The following CDC42SE2 variants were observed in gnomAD, a reference collection of about 807,000 sequenced individuals.
CDC42SE2 encodes the protein CDC42 small effector 2.
Under a neutral mutation model 11.5 loss-of-function variants are expected in CDC42SE2, and 3 were observed. The ratio of observed to expected loss-of-function variants is 0.26; its 90% CI spans 0.12 to 0.67. CDC42SE2 has a LOEUF of 0.67. CDC42SE2 is among the 30% of genes least tolerant of loss of function. The pLI is 0.80. For missense variants in CDC42SE2, 82 were observed against 106.8 expected, an observed-to-expected ratio of 0.77 and a Z score of 1.02; for synonymous variants, 33 against 34.8, an observed-to-expected ratio of 0.95 and a Z score of 0.18.
chr5:131,311,581 A>G (rs530052742), intron 1 of CDC42SE2, among the ~76,000 whole-genome samples: 205 of 152,296 alleles, frequency 1.3e-3, no homozygotes, highest in Non-Finnish European at 2.3e-3. Flanking sequence ...CAGGTATACC[A>G]ATCAGACGTA....
intron 1 of CDC42SE2, among the ~76,000 whole-genome samples, chr5:131,299,667 A>G (rs1353511994): frequency 6.6e-6 from 1 of 152,158 alleles, no homozygotes; most frequent in Non-Finnish European, 1.5e-5. Context: ...TTAAAAGACA[A>G]CTAGGCTGGA....
chr5:131,223,280 C>T, the CDC42SE2 span, among the ~76,000 whole-genome samples: 1 of 152,262 alleles, frequency 6.6e-6, no homozygotes, highest in African/African-American at 2.4e-5. Flanking sequence ...ATCTGGCTTT[C>T]CCCTAAAAAT....
intron 1 of CDC42SE2, among the ~76,000 whole-genome samples, chr5:131,313,140 G>A (rs899673621): frequency 5.3e-5 from 8 of 151,798 alleles, no homozygotes; most frequent in Non-Finnish European, 1.2e-4. Flanking sequence ...CTGCCACGAC[G>A]CCCGGCTGAT....
At chr5:131,304,822 A>G (rs1344176330) in intron 1 of CDC42SE2, among the ~76,000 whole-genome samples, 1 of 152,212 alleles carries the variant, frequency 6.6e-6, no homozygotes, top group African/African-American at 2.4e-5. Flanking sequence ...AATTTAATGC[A>G]TTAAAAGGAT....
intron 3 of CDC42SE2, among the ~76,000 whole-genome samples, chr5:131,369,592 C>T (rs1206313971): frequency 2.0e-5 from 3 of 152,114 alleles, no homozygotes; most frequent in African/African-American, 7.2e-5. Flanking sequence ...TTTCAGACTT[C>T]AAAATTTTTA....
chr5:131,268,405 T>G (rs954397960), intron 1 of CDC42SE2, among the ~76,000 whole-genome samples: 28 of 151,568 alleles, frequency 1.8e-4, no homozygotes, highest in African/African-American at 6.8e-4. Flanking sequence ...GTGAGGGCAT[T>G]TTTTTCTTAT....
In CDC42SE2 at chr5:131,391,071, G is replaced by T. The variant is rs369480644; in HGVS notation, c.235G>T (p.Val79Leu). ...GMPANVQMQL[V>L]DTKAG is the part of the protein sequence containing the mutation. ...GCCTGCCAATGTCCAGATGCAGCTCGTGGATACGAAGGCGGGATAGCCCTG... is the reference window on the plus strand; with the variant it reads ...GCCTGCCAATGTCCAGATGCAGCTCTTGGATACGAAGGCGGGATAGCCCTG... The change falls in exon 5 of 5, where the codon GTG becomes TTG. Residue 79 changes from valine to leucine, a missense_variant. Transcript: ENST00000505065. 1 of 1,612,580 alleles carries T rather than the reference G, an allele frequency of 6.2e-7. No individual in the cohort carries two copies. Among genetic ancestry groups the T allele is most frequent in the African/African-American group, 1.3e-5 (1 of 74,988 alleles).
chr5:131,354,979 A>G (rs1233312958), intron 2 of CDC42SE2, among the ~76,000 whole-genome samples: 4 of 152,148 alleles, frequency 2.6e-5, no homozygotes, highest in African/African-American at 9.7e-5. Context: ...CACTGTGCCC[A>G]GCCAGAATTT....
chr5:131,296,741 G>C (rs1042444397), intron 1 of CDC42SE2, among the ~76,000 whole-genome samples: 6 of 152,128 alleles, frequency 3.9e-5, no homozygotes, highest in Admixed American at 1.3e-4. Flanking sequence ...ATCTTTTTGG[G>C]AGAGGAGTGG....
At chr5:131,373,442 G>A (rs180775188) in intron 3 of CDC42SE2, among the ~76,000 whole-genome samples, 13 of 152,230 alleles carry the variant, frequency 8.5e-5, no homozygotes, top group African/African-American at 2.9e-4. Context: ...AGCTAGATTC[G>A]AACTCTTCTG....
intron 1 of CDC42SE2, among the ~76,000 whole-genome samples, chr5:131,273,060 A>C (rs971310687): frequency 6.6e-6 from 1 of 151,926 alleles, no homozygotes; most frequent in Non-Finnish European, 1.5e-5. Flanking sequence ...ACATATGTTT[A>C]GACCTCTTCT....
At chr5:131,285,935 A>G (rs549985578) in intron 1 of CDC42SE2, among the ~76,000 whole-genome samples, 1 of 152,318 alleles carries the variant, frequency 6.6e-6, no homozygotes, top group Non-Finnish European at 1.5e-5. Flanking sequence ...AGCAACAGAA[A>G]GATAGCTTCC....
intron 2 of CDC42SE2, among the ~76,000 whole-genome samples, chr5:131,336,484 G>A (rs987092357): frequency 3.3e-5 from 5 of 152,070 alleles, no homozygotes; most frequent in South Asian, 2.1e-4. Flanking sequence ...TCTTTGTGGT[G>A]TTCTCTGTAT....
At chr5:131,210,832 C>T in the CDC42SE2 span, among the ~76,000 whole-genome samples, 1 of 152,272 alleles carries the variant, frequency 6.6e-6, no homozygotes, top group Middle Eastern at 3.4e-3. Context: ...CTCACAAAAA[C>T]TCTCTAGTCT....
At chr5:131,271,338 TC>T (rs1756991696) in intron 1 of CDC42SE2, among the ~76,000 whole-genome samples, 1 of 152,014 alleles carries the variant, frequency 6.6e-6, no homozygotes, top group Non-Finnish European at 1.5e-5. Context: ...ACCCTCCAAA[TC>T]ATCAGATTTC....
chr5:131,286,472 A>G (rs2149706060), intron 1 of CDC42SE2, among the ~76,000 whole-genome samples: 1 of 149,328 alleles, frequency 6.7e-6, no homozygotes, highest in South Asian at 2.1e-4. Context: ...AGAGGGAATG[A>G]ATGCCAACTA....
At chr5:131,265,169 A>G (rs1756833395) in intron 1 of CDC42SE2, among the ~76,000 whole-genome samples, 1 of 146,476 alleles carries the variant, frequency 6.8e-6, no homozygotes, top group South Asian at 2.1e-4. Context: ...CATACTGTTG[A>G]TGAACAGTCC....
chr5:131,273,426 G>C (rs1321212770), intron 1 of CDC42SE2, among the ~76,000 whole-genome samples: 1 of 149,584 alleles, frequency 6.7e-6, no homozygotes, highest in Non-Finnish European at 1.5e-5. Context: ...AAAGTGCTGG[G>C]ATTATAGGCA....
intron 3 of CDC42SE2, among the ~76,000 whole-genome samples, chr5:131,375,824 T>G (rs1406128286): frequency 6.6e-6 from 1 of 152,212 alleles, no homozygotes; most frequent in African/African-American, 2.4e-5. Context: ...ATTAGAGATT[T>G]TTTTGTCATA....
Sources: gnomAD v4.1 joint callset for allele counts (sites outside exome capture counted in the v4.1 genomes callset) on GRCh38, gnomAD v4.1.1 for gene constraint, MANE v1.5 for transcripts, NCBI Gene and HGNC (gene_info 2026-07-23, HGNC 2026-07-21) for gene names.